TRIOBP: variants seen among roughly 807,000 people sequenced by gnomAD.
The protein encoded by TRIOBP is TRIO and F-actin-binding protein.
TRIOBP carries 169 observed loss-of-function variants against 238.8 expected under a neutral mutation model. The ratio of observed to expected loss-of-function variants is 0.71; its 90% CI spans 0.62 to 0.80. The LOEUF is 0.80. Ranked by LOEUF, TRIOBP falls within the 30% of genes least tolerant of loss-of-function variation. The pLI is 0.00. For synonymous variants in TRIOBP, 1,150 were observed against 1,274.4 expected, an observed-to-expected ratio of 0.90 and a Z score of 2.08; for missense variants, 2,838 against 3,122.6, an observed-to-expected ratio of 0.91 and a Z score of 2.17.
At chr22:37,736,190 A>C (rs983757968) in intron 9 of TRIOBP, among the ~76,000 whole-genome samples, 4 of 152,224 alleles carry the variant, frequency 2.6e-5, no homozygotes, top group Admixed American at 6.5e-5. Context: ...AACATTCTTC[A>C]TCTGAAGATG....
At chr22:37,711,748 C>T (rs1002381573) in intron 4 of TRIOBP, among the ~76,000 whole-genome samples, 15 of 152,012 alleles carry the variant, frequency 9.9e-5, no homozygotes, top group Non-Finnish European at 2.2e-4. Flanking sequence ...CTGCGTGCAT[C>T]GTGGCTTTTG....
chr22:37,727,160 C>T (rs1240695379), intron 7 of TRIOBP, among the ~76,000 whole-genome samples: 30 of 151,430 alleles, frequency 2.0e-4, no homozygotes, highest in African/African-American at 4.3e-4. Flanking sequence ...CCACCCGCCT[C>T]GGCCTCGCAA....
chr22:37,746,380 C>T (rs758681747), intron 11 of TRIOBP: 1 of 1,373,288 alleles, frequency 7.3e-7, no homozygotes, highest in South Asian at 1.5e-5. Context: ...CGTCCACGTT[C>T]CTGCCTCCTG....
chr22:37,707,002 T>G (rs1372150772), intron 3 of TRIOBP, among the ~76,000 whole-genome samples: 1 of 151,884 alleles, frequency 6.6e-6, no homozygotes, highest in East Asian at 1.9e-4. Flanking sequence ...GCGCGGTGGC[T>G]CACGCCTGTA....
At chr22:37,765,308 C>T (rs1192150282) in intron 17 of TRIOBP, among the ~76,000 whole-genome samples, 1 of 151,968 alleles carries the variant, frequency 6.6e-6, no homozygotes, top group East Asian at 1.9e-4. Flanking sequence ...AAAAAAACCA[C>T]AAAATTCCAG....
At chr22:37,718,850 T>G (rs1923676511) in intron 6 of TRIOBP, among the ~76,000 whole-genome samples, 2 of 145,406 alleles carry the variant, frequency 1.4e-5, no homozygotes, top group Admixed American at 6.9e-5. Flanking sequence ...CTTGTTTTTT[T>G]TTTTTTTTTT....
chr22:37,734,633 C>T lies in TRIOBP; in HGVS notation c.4297C>T (p.Pro1433Ser). 1 of 1,588,776 alleles carries T rather than the reference C, an allele frequency of 6.3e-7. No individual in the cohort carries two copies. Among genetic ancestry groups the T allele is most frequent in the Non-Finnish European group, 8.6e-7 (1 of 1,168,160 alleles). The change falls in exon 9 of 24, where the codon CCG becomes TCG. Residue 1433 changes from proline (P) to serine (S), a missense_variant. Physicochemically the swap from Pro to Ser is moderately conservative, Grantham distance 74 (BLOSUM62 -1). Coordinates refer to ENST00000644935, the MANE Select transcript of TRIOBP (RefSeq NM_001039141.3). ...GGGGGTGTGGCAGAGTCAGGAGGAA[C>T]CGCCAGGGTCCCAGGGCCCTCATAG... ...PLGVWQSQEE[P>S]PGSQGPHRHL...
rs542836738 is a variant in TRIOBP, at chr22:37,702,057, C to T, written c.114+578C>T. On this transcript the variant is annotated intron_variant, in intron 3 of 23. Transcript: ENST00000644935. ...GGCGGAGATTGTGGTGAGCCGAGAT[C>T]GCGCCATTGCACTCCAGCCTGGGCA... Among the ~76,000 whole-genome samples, 10 of 152,066 alleles carry T rather than the reference C, an allele frequency of 6.6e-5. No individual in the cohort carries two copies. The South Asian group carries it at 8.3e-4, about 13-fold the overall frequency.
At chr22:37,722,662 G>T (rs181034255) in intron 6 of TRIOBP, among the ~76,000 whole-genome samples, 105 of 152,272 alleles carry the variant, frequency 6.9e-4, no homozygotes, top group African/African-American at 2.5e-3. Flanking sequence ...GGGAGGCGGA[G>T]GTTGCCATGA....
intron 6 of TRIOBP, among the ~76,000 whole-genome samples, chr22:37,722,727 AAAAAC>A (rs1338350551): frequency 6.6e-6 from 1 of 152,214 alleles, no homozygotes; most frequent in Non-Finnish European, 1.5e-5. Context: ...ACTCTGACTC[AAAAAC>A]AAAACAAAAC....
chr22:37,751,846 G>GGA lies in TRIOBP; in HGVS notation c.5379+20_5379+21dup. On this transcript the variant is annotated intron_variant, in intron 12 of 23. Coordinates refer to ENST00000644935, the MANE Select transcript of TRIOBP (RefSeq NM_001039141.3). ...CTGGAGAGGTAAGAGGACTGAGGCC[G>GGA]GAGGGGAGGAAGCTGGCTTGTGCTG... 6.2e-7 allele frequency: 1 copy of GGA among 1,613,850 alleles called. No homozygotes were observed. The highest frequency in any genetic ancestry group is 8.5e-7 in the Non-Finnish European group (1 of 1,179,902).
chr22:37,708,560 A>G (rs1227986178), intron 3 of TRIOBP, among the ~76,000 whole-genome samples: 1 of 152,350 alleles, frequency 6.6e-6, no homozygotes, highest in African/African-American at 2.4e-5. Flanking sequence ...TCAAAAAAAA[A>G]GCCCTTTACA....
chr22:37,710,561 CAAGAGGTGGG>C lies in TRIOBP; in HGVS notation c.250_254+5del. ...TGGACCCAGGCCTCAGGCCAGGGCC[CAAGAGGTGGG>C]TAGAGTCCCAGGGCCCAGGAAGGGC... On this transcript the variant is annotated splice_donor_variant and splice_donor_5th_base_variant and coding_sequence_variant and intron_variant, in exon 4 of 24. Transcript: ENST00000644935. LOFTEE classifies it high-confidence loss of function. 3 of 1,610,274 alleles carry C rather than the reference CAAGAGGTGGG, an allele frequency of 1.9e-6. No individual in the cohort carries two copies. The highest frequency in any genetic ancestry group is 2.5e-6 in the Non-Finnish European group (3 of 1,179,708).
At chr22:37,772,528 G>C (rs1926834461) in intron 22 of TRIOBP, 73 bp from the exon 23 acceptor site, 1 of 1,606,610 alleles carries the variant, frequency 6.2e-7, no homozygotes, top group Admixed American at 1.7e-5. Flanking sequence ...GGCTGCTGGT[G>C]CTGCCCATGT....
At chr22:37,737,034 A>G (rs1385894655) in intron 9 of TRIOBP, among the ~76,000 whole-genome samples, 1 of 152,134 alleles carries the variant, frequency 6.6e-6, no homozygotes, top group Non-Finnish European at 1.5e-5. Flanking sequence ...TGACCCTCCA[A>G]TCAACTCAAT....
At chr22:37,716,278 ATT>A (rs1923514700) in intron 6 of TRIOBP, among the ~76,000 whole-genome samples, 1 of 151,452 alleles carries the variant, frequency 6.6e-6, no homozygotes, top group African/African-American at 2.4e-5. Flanking sequence ...TGCCCAGCTA[ATT>A]TTTGTCTTTT....
chr22:37,720,713 A>G (rs1053030126), intron 6 of TRIOBP, among the ~76,000 whole-genome samples: 1 of 151,886 alleles, frequency 6.6e-6, no homozygotes, highest in African/African-American at 2.4e-5. Context: ...GGGGCTCACT[A>G]TGTTGCCCAG....
chr22:37,757,750 C>T lies in TRIOBP; in HGVS notation c.5825C>T (p.Ala1942Val). The change falls in exon 16 of 24, where the codon GCC (alanine) becomes GTC (valine). Residue 1942 changes from alanine to valine, a missense_variant. Physicochemically the swap from Ala to Val is moderately conservative, Grantham distance 64. Around this residue, in one of 5 missense-constraint regions of TRIOBP, gnomAD observed 2,096 missense variants for 2,137.4 expected, o/e 0.98. Transcript: ENST00000644935. ...GPRKADGQRQ[A>V]LDYVELSPLT... Reference sequence around the variant, plus strand: ...CGGAAGGCGGACGGGCAGCGTCAGGCCTTGGACTACGTGGAGCTCTCGCCG... The same window carrying T: ...CGGAAGGCGGACGGGCAGCGTCAGGTCTTGGACTACGTGGAGCTCTCGCCG... 6.4e-7 allele frequency: 1 copy of T among 1,565,858 alleles called. No individual in the cohort carries two copies. The highest frequency in any genetic ancestry group is 8.6e-7 in the Non-Finnish European group (1 of 1,156,450).
chr22:37,757,811 A>G lies in TRIOBP; in HGVS notation c.5886A>G (p.Pro1962=), dbSNP rs372220018. The change falls in exon 16 of 24, where the codon CCA becomes CCG. Residue 1962 remains proline, a synonymous_variant. Coordinates refer to ENST00000644935, the MANE Select transcript of TRIOBP (RefSeq NM_001039141.3). ...TQASPQRART[P]ARTPDRLAKQ... is the part of the protein sequence containing the mutation. ...CTTCCCCGCAGCGGGCCCGCACCCC[A>G]GCCCGCACTCCTGACCGCCTGGCCA... 457 of 1,548,100 alleles carry G rather than the reference A, an allele frequency of 3.0e-4. 1 individual carries two copies. The African/African-American group carries it at 5.5e-3, about 19-fold the overall frequency.
Sources: allele counts gnomAD v4.1 joint callset (sites outside exome capture counted in the v4.1 genomes callset), GRCh38; gene constraint gnomAD v4.1.1; regional missense constraint gnomAD v4.1.1; transcripts MANE v1.5; gene names NCBI Gene and HGNC (gene_info 2026-07-23, HGNC 2026-07-21).